ST18: variants seen among roughly 807,000 people sequenced by gnomAD.
ST18 encodes the protein suppression of tumorigenicity 18 protein.
A neutral mutation model predicts 110.0 loss-of-function variants in ST18; 50 were observed. The observed-to-expected ratio is 0.45, with a 90% CI of 0.36 to 0.58. ST18 has a LOEUF of 0.58. ST18 is among the 20% of genes least tolerant of loss of function. The pLI is 0.00. For missense variants in ST18, 1,306 were observed against 1,280.1 expected (o/e 1.02, Z -0.31); for synonymous variants, 461 against 452.4 (o/e 1.02, Z -0.24).
At chr8:52,176,231 G>A (rs1016814660) in intron 9 of ST18, among the ~76,000 whole-genome samples, 4 of 152,068 alleles carry the variant, frequency 2.6e-5, no homozygotes, top group East Asian at 3.9e-4. Context: ...CAGCATGTAG[G>A]TCAGGCTGGT....
chr8:52,199,859 C>T (rs1381009515), intron 8 of ST18, among the ~76,000 whole-genome samples: 2 of 152,182 alleles, frequency 1.3e-5, no homozygotes, highest in Non-Finnish European at 2.9e-5. Flanking sequence ...GGAGTGCCTG[C>T]TCTGTGACAG....
intron 2 of ST18, among the ~76,000 whole-genome samples, chr8:52,316,097 T>C (rs1002475276): frequency 1.3e-5 from 2 of 152,224 alleles, no homozygotes; most frequent in Non-Finnish European, 2.9e-5. Flanking sequence ...AAATGTTTCA[T>C]TGATGTGACA....
At chr8:52,370,266 A>G (rs1393324039) in intron 2 of ST18, among the ~76,000 whole-genome samples, 1 of 152,218 alleles carries the variant, frequency 6.6e-6, no homozygotes, top group African/African-American at 2.4e-5. Context: ...AAAGGGCCAA[A>G]GTAGGTTAAG....
At chr8:52,170,301 C>T (rs1024793463) in intron 10 of ST18, among the ~76,000 whole-genome samples, 2 of 152,080 alleles carry the variant, frequency 1.3e-5, no homozygotes, top group Non-Finnish European at 2.9e-5. Flanking sequence ...ACTGAAAATA[C>T]AAAAATTAGC....
rs138745999 is a variant in ST18 at position 52,132,108 on chromosome 8, C to A, written c.2516G>T (p.Gly839Val). Reference protein sequence around the residue: ...GKYTSHRTASGCPLAAKRQKE... With the variant: ...GKYTSHRTASVCPLAAKRQKE... Reference sequence around the variant, plus strand: ...CTGTCTCTTGGCAGCCAGAGGACAGCCAGAAGCTGTGCGGTGTGATGTGTA... The same window carrying A: ...CTGTCTCTTGGCAGCCAGAGGACAGACAGAAGCTGTGCGGTGTGATGTGTA... The change falls in exon 22 of 26, where the codon GGC becomes GTC. Residue 839 changes from glycine (G) to valine (V), a missense_variant. Coordinates refer to ENST00000689386, the MANE Select transcript of ST18 (RefSeq NM_001352837.2). 2.5e-6 allele frequency: 4 copies of A among 1,614,178 alleles called. No individual in the cohort carries two copies. The highest frequency in any genetic ancestry group is 3.4e-6 in the Non-Finnish European group (4 of 1,180,040).
At chr8:52,264,997 C>G in intron 2 of ST18, among the ~76,000 whole-genome samples, 1 of 152,128 alleles carries the variant, frequency 6.6e-6, no homozygotes, top group East Asian at 1.9e-4. Context: ...GCTTAAATTC[C>G]AGAATAAACA....
chr8:52,138,485 G>A (rs1170262720), intron 17 of ST18, among the ~76,000 whole-genome samples: 1 of 152,232 alleles, frequency 6.6e-6, no homozygotes, highest in Non-Finnish European at 1.5e-5. Context: ...TCAGGAAACT[G>A]AGGCAGGAGG....
intron 9 of ST18, among the ~76,000 whole-genome samples, chr8:52,178,636 AAAAAAAACCAC>A (rs1402059705): frequency 1.5e-5 from 2 of 132,376 alleles, no homozygotes; most frequent in African/African-American, 6.7e-5. Context: ...AAAAAAAAAA[AAAAAAAACCAC>A]CAAAAACCAA....
At chr8:52,159,537 T>A (rs1563762865) in intron 14 of ST18, among the ~76,000 whole-genome samples, 1 of 151,958 alleles carries the variant, frequency 6.6e-6, no homozygotes, top group Non-Finnish European at 1.5e-5. Context: ...GAAAAAAAAA[T>A]GTGTCCTTTC....
chr8:52,214,474 C>A (rs920015964), intron 6 of ST18, among the ~76,000 whole-genome samples: 4 of 152,120 alleles, frequency 2.6e-5, no homozygotes, highest in Non-Finnish European at 5.9e-5. Flanking sequence ...AGAACAGCGA[C>A]AAGAGGGCAG....
chr8:52,308,799 T>A (rs966346995), intron 2 of ST18, among the ~76,000 whole-genome samples: 1 of 152,204 alleles, frequency 6.6e-6, no homozygotes, highest in Non-Finnish European at 1.5e-5. Context: ...ACCAGCACTG[T>A]CTGGACTGTG....
intron 9 of ST18, 98 bp from the exon 10 acceptor site, chr8:52,172,681 A>G: frequency 1.2e-6 from 1 of 847,302 alleles, no homozygotes; most frequent in South Asian, 1.9e-5. Context: ...GCATTCACAT[A>G]CATAGGTACA....
At chr8:52,303,046 G>A (rs949928221) in intron 2 of ST18, among the ~76,000 whole-genome samples, 2 of 152,200 alleles carry the variant, frequency 1.3e-5, no homozygotes, top group African/African-American at 4.8e-5. Flanking sequence ...AAAGAGTAAC[G>A]TTATTGTAGG....
chr8:52,400,726 C>G (rs530187347), intron 2 of ST18, among the ~76,000 whole-genome samples: 1 of 152,232 alleles, frequency 6.6e-6, no homozygotes, highest in African/African-American at 2.4e-5. Context: ...CTGTCATCCA[C>G]AATTTATGTT....
intron 24 of ST18, 141 bp from the exon 25 acceptor site, chr8:52,116,559 C>T (rs2042618649): frequency 1.2e-6 from 1 of 810,638 alleles, no homozygotes; most frequent in Non-Finnish European, 1.9e-6. Context: ...CAGCATGAAG[C>T]TGCAGCCCCA....
chr8:52,245,103 C>T (rs116598876), intron 2 of ST18, among the ~76,000 whole-genome samples: 2,521 of 152,220 alleles, frequency 0.017, 54 homozygotes, highest in African/African-American at 0.057. Flanking sequence ...TAATTCTCCA[C>T]CATTGTTTGA....
At chr8:52,408,826 G>A (rs1845435237) in intron 2 of ST18, among the ~76,000 whole-genome samples, 1 of 152,150 alleles carries the variant, frequency 6.6e-6, no homozygotes. Context: ...ATATGTTGCA[G>A]GTCTCCTATA....
chr8:52,229,160 T>C (rs1453058790), intron 3 of ST18, among the ~76,000 whole-genome samples: 1 of 152,216 alleles, frequency 6.6e-6, no homozygotes, highest in Non-Finnish European at 1.5e-5. Context: ...GGATTCAGAC[T>C]GCCAGCTGCA....
intron 2 of ST18, among the ~76,000 whole-genome samples, chr8:52,331,573 G>T (rs1809427947): frequency 6.6e-6 from 1 of 152,170 alleles, no homozygotes; most frequent in Non-Finnish European, 1.5e-5. Context: ...ATTAACATCT[G>T]CATATGTAAA....
Sources: gnomAD v4.1 joint callset for allele counts (sites outside exome capture counted in the v4.1 genomes callset) on GRCh38, gnomAD v4.1.1 for gene constraint, MANE v1.5 for transcripts, NCBI Gene and HGNC (gene_info 2026-07-23, HGNC 2026-07-21) for gene names.